The following KCNN3 variants were observed in gnomAD, a reference collection of about 807,000 sequenced individuals.
KCNN3 encodes small conductance calcium-activated potassium channel protein 3.
A neutral mutation model predicts 62.9 loss-of-function variants in KCNN3; 16 were observed. The observed-to-expected ratio is 0.25, with a 90% CI of 0.17 to 0.39. The LOEUF (loss-of-function observed/expected upper bound fraction) is 0.39. KCNN3 is among the 10% of genes least tolerant of loss of function. KCNN3 has a pLI of 1.00. For synonymous variants in KCNN3, 370 were observed against 389.2 expected (o/e 0.95, Z 0.58); for missense variants, 599 against 949.4 (o/e 0.63, Z 4.85).
At chr1:154,745,260 T>C (rs1700913987) in intron 3 of KCNN3, among the ~76,000 whole-genome samples, 1 of 152,242 alleles carries the variant, frequency 6.6e-6, no homozygotes, top group Non-Finnish European at 1.5e-5. Flanking sequence ...AGGCCTCCAG[T>C]TATTTTTAAA....
At chr1:154,840,547 G>T (rs1401443598) in intron 1 of KCNN3, among the ~76,000 whole-genome samples, 1 of 152,154 alleles carries the variant, frequency 6.6e-6, no homozygotes, top group Non-Finnish European at 1.5e-5. Flanking sequence ...GCCAATCCTT[G>T]TCATTCAAAG....
chr1:154,830,921 A>G (rs74393524), intron 1 of KCNN3, among the ~76,000 whole-genome samples: 2,081 of 152,316 alleles, frequency 0.014, 50 homozygotes, highest in African/African-American at 0.048. Flanking sequence ...CAGGCCACAA[A>G]CATAATTCCA....
At position 154,737,212 on chromosome 1, in the gene KCNN3, G is replaced by A. The variant is rs879556824; in HGVS notation, c.1449-4068C>T. ...TTTTTTGCAATAGAAAATTTGGGGG[G>A]GGGGGATAGCTCCATGTTTTTCTTT... On this transcript the variant is annotated intron_variant, in intron 3 of 7. Coordinates refer to ENST00000271915, the MANE Select transcript of KCNN3 (RefSeq NM_002249.6). The A allele has an allele frequency of 7.1e-5, 20 of 280,548 alleles. 2 individuals are homozygous for A. The highest frequency in any genetic ancestry group is 3.8e-4 in the East Asian group (4 of 10,432). The allele number at this position is 280,548 out of a possible 1,614,324, so 17.4% of individuals were successfully genotyped here.
At chr1:154,868,889 CCAATCTCT>C in intron 1 of KCNN3, 135 bp downstream of exon 1, 2 of 920,024 alleles carry the variant, frequency 2.2e-6, no homozygotes, top group East Asian at 2.4e-5. Flanking sequence ...AGTCTCCCTC[CCAATCTCT>C]CAATCTCTCT....
At chr1:154,823,167 G>T (rs1650973966) in intron 1 of KCNN3, among the ~76,000 whole-genome samples, 1 of 152,198 alleles carries the variant, frequency 6.6e-6, no homozygotes, top group Admixed American at 6.5e-5. Context: ...ACAAATCAGG[G>T]TGTCTGGGTT....
Position 154,704,045 on chromosome 1 carries a change from A to G in KCNN3, c.*3931T>C, listed in dbSNP as rs946905570. On this transcript the variant is annotated 3_prime_UTR_variant, in exon 8 of 8. Transcript: ENST00000271915. ...TTCCATGATTGTTTATTCACAAGGA[A>G]ATTATAAAAATTTAAGGGGGAAATC... 1.3e-5 allele frequency: 2 copies of G among 152,254 alleles called. No individual in the cohort carries two copies. The highest frequency in any genetic ancestry group is 2.9e-5 in the Non-Finnish European group (2 of 68,046). The allele number at this position is 152,254 out of a possible 1,614,324, so 9.4% of individuals were successfully genotyped here. A position where few individuals can be genotyped will look rare whatever the true frequency, so the allele number is the denominator to read the frequency against.
chr1:154,847,025 C>T (rs865905520), intron 1 of KCNN3, among the ~76,000 whole-genome samples: 7 of 152,180 alleles, frequency 4.6e-5, no homozygotes, highest in Middle Eastern at 6.8e-3. Flanking sequence ...GAGCCGGCTC[C>T]GCCTGACCCC....
chr1:154,718,003 A>C (rs1700266523), intron 5 of KCNN3, among the ~76,000 whole-genome samples: 1 of 151,912 alleles, frequency 6.6e-6, no homozygotes, highest in Non-Finnish European at 1.5e-5. Context: ...GGCTCCATGC[A>C]CCCTTCCTTG....
chr1:154,837,389 C>A (rs770436881), intron 1 of KCNN3, among the ~76,000 whole-genome samples: 13 of 152,110 alleles, frequency 8.5e-5, no homozygotes, highest in Non-Finnish European at 1.8e-4. Flanking sequence ...GTAATCCACC[C>A]GCCTCGGCCT....
At chr1:154,715,434 A>C (rs1359108906) in intron 5 of KCNN3, among the ~76,000 whole-genome samples, 1 of 15,536 alleles carries the variant, frequency 6.4e-5, no homozygotes, top group African/African-American at 1.2e-4. Context: ...ACTCCATCTC[A>C]AAAAAAAAAA....
intron 1 of KCNN3, chr1:154,868,456 G>T: frequency 1.8e-6 from 1 of 563,548 alleles, no homozygotes; most frequent in Non-Finnish European, 2.3e-6. Context: ...CTTGGGAAGA[G>T]ATGGAGAAGA....
Position 154,870,029 on chromosome 1 carries a change from ATG to A in KCNN3, c.-67_-66del, listed in dbSNP as rs1215872326. 1 of 1,554,602 alleles carries A rather than the reference ATG, an allele frequency of 6.4e-7. No homozygotes were observed. The highest frequency in any genetic ancestry group is 1.4e-5 in the African/African-American group (1 of 73,418). On this transcript the variant is annotated 5_prime_UTR_variant, in exon 1 of 8. Transcript: ENST00000271915. ...CCCCAAAGCCACCCTCGCTCCAAAG[ATG>A]TCCTCAAAGAAAGCCAGGCATCCAA...
At chr1:154,767,926 T>C (rs1648372284) in intron 3 of KCNN3, among the ~76,000 whole-genome samples, 1 of 152,180 alleles carries the variant, frequency 6.6e-6, no homozygotes, top group Non-Finnish European at 1.5e-5. Flanking sequence ...ACCCAAGATA[T>C]GAGAACTGTC....
At chr1:154,714,091 T>G (rs1700139999) in intron 6 of KCNN3, among the ~76,000 whole-genome samples, 2 of 66,512 alleles carry the variant, frequency 3.0e-5, no homozygotes, top group African/African-American at 5.9e-5. Context: ...TGTTTGTGTG[T>G]GGTGTGTATG....
At position 154,868,231 on chromosome 1, in the gene KCNN3, G is replaced by T. The variant is rs189455743; in HGVS notation, c.933+801C>A. 569 of 985,552 alleles carry T rather than the reference G, an allele frequency of 5.8e-4. 1 individual carries two copies. Among genetic ancestry groups the T allele is most frequent in the Admixed American group, 3.3e-3 (53 of 16,294 alleles). The allele number at this position is 985,552 out of a possible 1,614,324, so 61.1% of individuals were successfully genotyped here. A position where few individuals can be genotyped will look rare whatever the true frequency, so the allele number is the denominator to read the frequency against. ...GTGCTCCCCCAGCTGATTCCAAGGC[G>T]GCGCCCAGCTGCTCTGCCCAGGTAA... On this transcript the variant is annotated intron_variant, in intron 1 of 7. Coordinates refer to ENST00000271915, the MANE Select transcript of KCNN3 (RefSeq NM_002249.6).
At position 154,704,336 on chromosome 1, in the gene KCNN3, G is replaced by A. The variant is rs1699923827; in HGVS notation, c.*3640C>T. 1 of 152,230 alleles carries A rather than the reference G, an allele frequency of 6.6e-6. No homozygotes were observed. The highest frequency in any genetic ancestry group is 2.4e-5 in the African/African-American group (1 of 41,462). The allele number at this position is 152,230 out of a possible 1,614,324, so 9.4% of individuals were successfully genotyped here. A position where few individuals can be genotyped will look rare whatever the true frequency, so the allele number is the denominator to read the frequency against. ...AAGTTACGTATTAGGAAGATGGCAA[G>A]AGCAGTTCATAGACACTTTATGACA... On this transcript the variant is annotated 3_prime_UTR_variant, in exon 8 of 8. Coordinates refer to ENST00000271915, the MANE Select transcript of KCNN3 (RefSeq NM_002249.6).
chr1:154,853,559 C>T (rs1331325266), intron 1 of KCNN3, among the ~76,000 whole-genome samples: 1 of 152,166 alleles, frequency 6.6e-6, no homozygotes, highest in Non-Finnish European at 1.5e-5. Flanking sequence ...TCTCAAACTC[C>T]TGAGCTCAAG....
chr1:154,838,208 G>A (rs1045149285), intron 1 of KCNN3, among the ~76,000 whole-genome samples: 7 of 152,230 alleles, frequency 4.6e-5, no homozygotes, highest in African/African-American at 1.7e-4. Context: ...TAGAGTCTTT[G>A]CATCTTACAG....
chr1:154,837,262 C>T (rs927905222), intron 1 of KCNN3, among the ~76,000 whole-genome samples: 5 of 152,232 alleles, frequency 3.3e-5, no homozygotes, highest in East Asian at 3.9e-4. Context: ...CCACCATGCC[C>T]GGCTAGTTTT....
Sources: gnomAD v4.1 joint callset for allele counts (sites outside exome capture counted in the v4.1 genomes callset) on GRCh38, gnomAD v4.1.1 for gene constraint, MANE v1.5 for transcripts, NCBI Gene and HGNC (gene_info 2026-07-23, HGNC 2026-07-21) for gene names.